Variants in MEGF11 observed in about 807,000 individuals in gnomAD.
The protein encoded by MEGF11 is multiple epidermal growth factor-like domains protein 11.
Under a neutral mutation model 146.6 loss-of-function variants are expected in MEGF11, and 126 were observed. That is an observed-to-expected ratio of 0.86 (90% CI 0.74 to 1.00). MEGF11 has a LOEUF of 1.00. Ranked by LOEUF, MEGF11 falls within the 50% of genes least tolerant of loss-of-function variation. The pLI, the probability that MEGF11 is intolerant of heterozygous loss-of-function variation, is 0.00. For missense variants in MEGF11, 1,509 were observed against 1,521.2 expected (o/e 0.99, Z 0.13); for synonymous variants, 532 against 583.4 (o/e 0.91, Z 1.27).
intron 7 of MEGF11, among the ~76,000 whole-genome samples, chr15:65,975,033 G>C (rs563465698): frequency 6.6e-6 from 1 of 152,104 alleles, no homozygotes; most frequent in South Asian, 2.1e-4. Flanking sequence ...TTTTAGTAGA[G>C]ATGGGGTTTC....
intron 1 of MEGF11, among the ~76,000 whole-genome samples, chr15:66,193,349 A>G (rs2090929223): frequency 6.6e-6 from 1 of 152,206 alleles, no homozygotes; most frequent in Admixed American, 6.5e-5. Context: ...TCATTGATTC[A>G]TGCAACAGAA....
rs542963079 is a variant in MEGF11 at position 66,249,316 on chromosome 15, T to C, written c.-9+4289A>G. ...CCATTAGCAGGAGAAGCAATCTCTCTTTCAGTCTTTTAATGAAGAAGGCAT... is the reference window on the plus strand; with the variant it reads ...CCATTAGCAGGAGAAGCAATCTCTCCTTCAGTCTTTTAATGAAGAAGGCAT... On this transcript the variant is annotated intron_variant, in intron 1 of 25. Coordinates refer to ENST00000395614, the MANE Select transcript of MEGF11 (RefSeq NM_001385028.1). Among the ~76,000 whole-genome samples, 11 of 152,288 alleles carry C rather than the reference T, an allele frequency of 7.2e-5. No individual in the cohort carries two copies. In the South Asian group the frequency reaches 2.1e-3, roughly 29 times the overall value.
At chr15:66,224,057 G>C (rs1341617425) in intron 1 of MEGF11, among the ~76,000 whole-genome samples, 1 of 152,212 alleles carries the variant, frequency 6.6e-6, no homozygotes, top group South Asian at 2.1e-4. Context: ...TCAACAACAG[G>C]ACACTTTGCT....
intron 9 of MEGF11, among the ~76,000 whole-genome samples, chr15:65,960,238 T>C (rs966438510): frequency 1.3e-5 from 2 of 152,254 alleles, no homozygotes; most frequent in Non-Finnish European, 2.9e-5. Context: ...TTTCTTTAAA[T>C]GTATTCCCTA....
At chr15:66,125,011 C>T (rs895775521) in intron 2 of MEGF11, among the ~76,000 whole-genome samples, 22 of 152,234 alleles carry the variant, frequency 1.4e-4, no homozygotes, top group Non-Finnish European at 1.5e-4. Flanking sequence ...AGCACGTCTG[C>T]CTTGCCTGAG....
chr15:66,155,426 A>G (rs755143670), intron 1 of MEGF11, among the ~76,000 whole-genome samples: 25 of 152,266 alleles, frequency 1.6e-4, no homozygotes, highest in Non-Finnish European at 3.1e-4. Context: ...CCCCAAATTT[A>G]GGATGGGGTG....
At chr15:66,027,454 C>T (rs953506869) in intron 5 of MEGF11, among the ~76,000 whole-genome samples, 4 of 152,232 alleles carry the variant, frequency 2.6e-5, no homozygotes, top group Non-Finnish European at 2.9e-5. Context: ...CATTCTGCTC[C>T]ATCACTGTGC....
intron 1 of MEGF11, among the ~76,000 whole-genome samples, chr15:66,186,897 T>A (rs2090722311): frequency 6.6e-6 from 1 of 152,190 alleles, no homozygotes; most frequent in South Asian, 2.1e-4. Context: ...AGCCAGGCCT[T>A]AAACTAGAGG....
At chr15:65,986,914 C>T (rs143733474) in intron 5 of MEGF11, among the ~76,000 whole-genome samples, 1 of 149,252 alleles carries the variant, frequency 6.7e-6, no homozygotes, top group East Asian at 2.0e-4. Flanking sequence ...TCTTGTGCTT[C>T]AGCCTCCTGA....
chr15:66,053,468 G>T (rs1392309627), intron 5 of MEGF11, among the ~76,000 whole-genome samples: 2 of 152,098 alleles, frequency 1.3e-5, no homozygotes, highest in Non-Finnish European at 2.9e-5. Flanking sequence ...ATAGGGGAAT[G>T]GGGTTATCAT....
At chr15:66,096,646 C>T (rs1381241673) in intron 4 of MEGF11, among the ~76,000 whole-genome samples, 1 of 152,154 alleles carries the variant, frequency 6.6e-6, no homozygotes, top group African/African-American at 2.4e-5. Context: ...CAGTGGTGAC[C>T]AGAGACAGAG....
chr15:66,025,456 G>A (rs1162212495), intron 5 of MEGF11, among the ~76,000 whole-genome samples: 1 of 152,172 alleles, frequency 6.6e-6, no homozygotes, highest in African/African-American at 2.4e-5. Context: ...TTGAGGCGAG[G>A]AGGTCCACTA....
chr15:66,191,569 T>C (rs1484905157), intron 1 of MEGF11, among the ~76,000 whole-genome samples: 2 of 152,124 alleles, frequency 1.3e-5, no homozygotes, highest in African/African-American at 4.8e-5. Context: ...ACTCATCTGC[T>C]TTCCCCCGAG....
chr15:65,958,150 A>G (rs1032772331), intron 9 of MEGF11, among the ~76,000 whole-genome samples: 3 of 152,258 alleles, frequency 2.0e-5, no homozygotes, highest in African/African-American at 7.2e-5. Context: ...GAAGGTAGCA[A>G]TGATACCCCA....
At chr15:66,134,159 A>G (rs1414348615) in intron 1 of MEGF11, among the ~76,000 whole-genome samples, 1 of 152,126 alleles carries the variant, frequency 6.6e-6, no homozygotes, top group Non-Finnish European at 1.5e-5. Context: ...GGCCCAGAGA[A>G]AAATCACAGC....
At chr15:66,163,071 G>C (rs915119086) in intron 1 of MEGF11, among the ~76,000 whole-genome samples, 1 of 152,106 alleles carries the variant, frequency 6.6e-6, no homozygotes. Context: ...CTAGAACAAA[G>C]AGAACGTGGA....
At chr15:66,199,580 C>T (rs969442472) in intron 1 of MEGF11, among the ~76,000 whole-genome samples, 1 of 152,164 alleles carries the variant, frequency 6.6e-6, no homozygotes, top group African/African-American at 2.4e-5. Context: ...CCCCAGATCT[C>T]TATTTATGTG....
intron 1 of MEGF11, among the ~76,000 whole-genome samples, chr15:66,186,776 T>C (rs910205901): frequency 2.0e-5 from 3 of 152,248 alleles, no homozygotes; most frequent in African/African-American, 7.2e-5. Context: ...GTTTTCTCTC[T>C]GTCCTGTTTG....
intron 1 of MEGF11, among the ~76,000 whole-genome samples, chr15:66,156,984 C>T (rs2089781488): frequency 6.6e-6 from 1 of 152,182 alleles, no homozygotes; most frequent in Non-Finnish European, 1.5e-5. Flanking sequence ...CCAAAGCTCT[C>T]TCTTCTTCAC....
Sources: gnomAD v4.1 joint callset for allele counts (sites outside exome capture counted in the v4.1 genomes callset) on GRCh38, gnomAD v4.1.1 for gene constraint, MANE v1.5 for transcripts, NCBI Gene and HGNC (gene_info 2026-07-23, HGNC 2026-07-21) for gene names.